CSMD2: variants seen among roughly 807,000 people sequenced by gnomAD.
CSMD2 encodes CUB and sushi domain-containing protein 2.
In CSMD2, 130 loss-of-function variants were observed where a neutral mutation model predicts 398.5. The observed-to-expected ratio is 0.33, with a 90% CI of 0.28 to 0.38. The LOEUF is 0.38. CSMD2 is among the 10% of genes least tolerant of loss of function. CSMD2 has a pLI of 1.00. For missense variants in CSMD2, 3,829 were observed against 4,764.9 expected (o/e 0.80, Z 5.78); for synonymous variants, 1,828 against 1,908.5 (o/e 0.96, Z 1.10).
At chr1:33,607,261 G>A (rs1216746228) in intron 41 of CSMD2, among the ~76,000 whole-genome samples, 1 of 152,184 alleles carries the variant, frequency 6.6e-6, no homozygotes, top group Non-Finnish European at 1.5e-5. Context: ...AACTTGATGG[G>A]AATCTTTACT....
chr1:34,027,697 A>G (rs1028831736), intron 3 of CSMD2, among the ~76,000 whole-genome samples: 1 of 152,244 alleles, frequency 6.6e-6, no homozygotes, highest in Non-Finnish European at 1.5e-5. Context: ...ACACAGAAAA[A>G]CGTTGGCTTC....
At chr1:33,549,126 G>T (rs999440678) in intron 56 of CSMD2, among the ~76,000 whole-genome samples, 1 of 152,156 alleles carries the variant, frequency 6.6e-6, no homozygotes, top group Non-Finnish European at 1.5e-5. Flanking sequence ...AAATATTCTG[G>T]CAGTGACCTA....
intron 41 of CSMD2, among the ~76,000 whole-genome samples, chr1:33,608,469 G>A (rs1359428350): frequency 6.6e-6 from 1 of 152,102 alleles, no homozygotes; most frequent in African/African-American, 2.4e-5. Context: ...GGGGTGCAAG[G>A]GGCTGAAATA....
In CSMD2 at chr1:33,748,679, C is replaced by A. The variant is rs1647742724; in HGVS notation, c.1847-5073G>T. ...TCATATTTAAAACATGGATAATGAGCCCATTACAAAATAAAGATATGACAG... is the reference window on the plus strand; with the variant it reads ...TCATATTTAAAACATGGATAATGAGACCATTACAAAATAAAGATATGACAG... On this transcript the variant is annotated intron_variant, in intron 13 of 70. Coordinates refer to ENST00000373381, the MANE Select transcript of CSMD2 (RefSeq NM_001281956.2). Among the ~76,000 whole-genome samples the A allele has an allele frequency of 1.3e-5, 2 of 151,872 alleles. 1 individual carries two copies. The highest frequency in any genetic ancestry group is 4.2e-4 in the South Asian group (2 of 4,802).
intron 2 of CSMD2, among the ~76,000 whole-genome samples, chr1:34,077,448 C>A (rs1656543055): frequency 2.2e-5 from 2 of 92,778 alleles, no homozygotes; most frequent in African/African-American, 4.6e-5. Flanking sequence ...AAGAGCGGAA[C>A]TCCGTCTCAA....
intron 5 of CSMD2, among the ~76,000 whole-genome samples, chr1:33,871,991 G>T (rs2125147404): frequency 6.6e-6 from 1 of 152,260 alleles, no homozygotes; most frequent in East Asian, 1.9e-4. Flanking sequence ...TGAAGACAGG[G>T]TTCTCATGAT....
chr1:33,542,579 G>A (rs1034478820), intron 58 of CSMD2, 141 bp downstream of exon 58: 1 of 675,458 alleles, frequency 1.5e-6, no homozygotes, highest in Non-Finnish European at 2.4e-6. Flanking sequence ...GCTCAACAGA[G>A]GCTATTCATA....
Position 33,624,609 on chromosome 1 carries a change from G to A in CSMD2, c.5535C>T (p.Gly1845=). The change falls in exon 35 of 71, where the codon GGC becomes GGT. Residue 1845 remains glycine, a synonymous_variant. Transcript: ENST00000373381. This position sits in a 1 kb window ranked among gnomAD's most constrained non-coding sequence, Gnocchi z 4.7. ...CTGGGAAGCCAGGGGACAGGATGGT[G>A]CCCCTGCGCTCTGTGAGGTTGCCTC... The part of the protein sequence containing the change: ...PCGGNLTERR[G]TILSPGFPEP... 6.2e-7 allele frequency: 1 copy of A among 1,613,846 alleles called. No individual in the cohort carries two copies. The highest frequency in any genetic ancestry group is 1.3e-5 in the African/African-American group (1 of 75,054).
chr1:33,759,206 G>GAAGA (rs1343605654), intron 13 of CSMD2, among the ~76,000 whole-genome samples: 1 of 152,066 alleles, frequency 6.6e-6, no homozygotes, highest in African/African-American at 2.4e-5. Context: ...ATGGTGAACT[G>GAAGA]TAAGTGGAAA....
In CSMD2 at chr1:33,726,654, G is replaced by A. The variant is rs145279639; in HGVS notation, c.2400C>T (p.Ser800=). Residue 800 remains serine, a synonymous_variant, in exon 16 of 71, where the codon AGC becomes AGT. Transcript: ENST00000373381. The part of the protein sequence containing the change: ...APCGGHLTSP[S]GTILSPGWPG... Reference sequence around the variant, plus strand: ...GCCAGCCCGGAGAGAGGATGGTGCCGCTGGGCGAAGTCAGGTGACCACCAC... The same window carrying A: ...GCCAGCCCGGAGAGAGGATGGTGCCACTGGGCGAAGTCAGGTGACCACCAC... 4.9e-5 allele frequency: 79 copies of A among 1,612,312 alleles called. No homozygotes were observed. The highest frequency in any genetic ancestry group is 1.9e-4 in the African/African-American group (14 of 74,946).
intron 60 of CSMD2, among the ~76,000 whole-genome samples, chr1:33,539,713 C>T (rs369895817): frequency 1.3e-5 from 2 of 152,096 alleles, no homozygotes; most frequent in African/African-American, 2.4e-5. Context: ...TTAAAAGGCA[C>T]TTCAGCTATT....
chr1:33,907,851 C>T (rs2125253671), intron 5 of CSMD2, among the ~76,000 whole-genome samples: 1 of 152,200 alleles, frequency 6.6e-6, no homozygotes, highest in Admixed American at 6.5e-5. Flanking sequence ...ACAGACTGGG[C>T]TGGGCGTGGT....
chr1:34,135,271 C>T (rs1446726535), intron 1 of CSMD2, among the ~76,000 whole-genome samples: 1 of 149,062 alleles, frequency 6.7e-6, no homozygotes, highest in Non-Finnish European at 1.5e-5. Flanking sequence ...CACACACACA[C>T]ACACACACAC....
intron 5 of CSMD2, among the ~76,000 whole-genome samples, chr1:33,910,062 G>A (rs1481146683): frequency 6.6e-6 from 1 of 152,122 alleles, no homozygotes; most frequent in African/African-American, 2.4e-5. Flanking sequence ...AGCTGCCTCA[G>A]TTCAAGGCTG....
chr1:33,536,906 C>T (rs778462947), intron 62 of CSMD2, 116 bp downstream of exon 62: 10 of 999,022 alleles, frequency 1.0e-5, no homozygotes, highest in Non-Finnish European at 1.4e-5. Flanking sequence ...TCTGCGCTTT[C>T]CAAGCTCTTG....
At chr1:33,717,568 C>T (rs1046188542) in intron 19 of CSMD2, among the ~76,000 whole-genome samples, 1 of 151,922 alleles carries the variant, frequency 6.6e-6, no homozygotes, top group African/African-American at 2.4e-5. Flanking sequence ...GAGTAATGGA[C>T]TTAGCCTTTT....
At chr1:33,877,396 G>C (rs139969283) in intron 5 of CSMD2, among the ~76,000 whole-genome samples, 22 of 152,298 alleles carry the variant, frequency 1.4e-4, no homozygotes, top group African/African-American at 4.3e-4. Context: ...CGCACTGGGG[G>C]AGATGAGGGC....
chr1:33,595,379 C>G (rs1277162544), intron 44 of CSMD2, among the ~76,000 whole-genome samples: 1 of 152,196 alleles, frequency 6.6e-6, no homozygotes, highest in Non-Finnish European at 1.5e-5. Context: ...ACTGCATCCT[C>G]TCACCTGGAG....
intron 21 of CSMD2, among the ~76,000 whole-genome samples, chr1:33,711,868 C>T (rs548975795): frequency 6.6e-6 from 1 of 152,170 alleles, no homozygotes; most frequent in Non-Finnish European, 1.5e-5. Context: ...CAGTCCTTGG[C>T]CAATCCCCAG....
Sources: allele counts gnomAD v4.1 joint callset (sites outside exome capture counted in the v4.1 genomes callset), GRCh38; gene constraint gnomAD v4.1.1; non-coding constraint Gnocchi (gnomAD v3.1); transcripts MANE v1.5; gene names NCBI Gene and HGNC (gene_info 2026-07-23, HGNC 2026-07-21).